Variants in HEBP2 observed in about 807,000 individuals in gnomAD.
HEBP2 encodes the protein heme-binding protein 2.
In HEBP2, 27 loss-of-function variants were observed where a neutral mutation model predicts 23.1. The ratio of observed to expected loss-of-function variants is 1.17; its 90% CI spans 0.86 to 1.61. HEBP2 has a LOEUF of 1.61. Among genes scored for constraint, HEBP2 ranks in the 40% most tolerant of loss-of-function variants. The probability of loss-of-function intolerance (pLI) is 0.00; values close to 1 mark genes in which losing one functional copy is unlikely to be tolerated. For synonymous variants in HEBP2, 99 were observed against 95.1 expected, an observed-to-expected ratio of 1.04 and a Z score of -0.24; for missense variants, 245 against 253.8, an observed-to-expected ratio of 0.97 and a Z score of 0.24.
In HEBP2 at chr6:138,417,527, G is replaced by C. The variant is rs1034524958; in HGVS notation, c.*4449G>C. On this transcript the variant is annotated 3_prime_UTR_variant, in exon 4 of 4. Transcript: ENST00000607197. ...TACAGGACTGTGATCTCTGCGAGAA[G>C]GGGGAATAATGAGGTGAGTCCAGTG... 5.9e-5 allele frequency: 9 copies of C among 152,252 alleles called. No homozygotes were observed. The highest frequency in any genetic ancestry group is 2.2e-4 in the African/African-American group (9 of 41,444). The allele number at this position is 152,252 out of a possible 1,614,324, so 9.4% of individuals were successfully genotyped here.
In HEBP2 at chr6:138,413,298, C is replaced by T. The variant is rs1361970840; in HGVS notation, c.*220C>T. ...AAACATATAAATCGGTCATAACTAT[C>T]GTGGTCTTTATTTCTGTGAGGATCT... is the stretch of plus-strand genomic sequence containing the variant. On this transcript the variant is annotated 3_prime_UTR_variant, in exon 4 of 4. Coordinates refer to ENST00000607197, the MANE Select transcript of HEBP2 (RefSeq NM_014320.3). 6.7e-6 allele frequency: 3 copies of T among 448,280 alleles called. No homozygotes were observed. The highest frequency in any genetic ancestry group is 2.0e-5 in the African/African-American group (1 of 50,662). The allele number at this position is 448,280 out of a possible 1,614,324, so 27.8% of individuals were successfully genotyped here. A position where few individuals can be genotyped will look rare whatever the true frequency, so the allele number is the denominator to read the frequency against.
rs78892261 is a variant in HEBP2, at chr6:138,418,221, T to C, written c.*5143T>C. On this transcript the variant is annotated 3_prime_UTR_variant, in exon 4 of 4. Transcript: ENST00000607197. ...GAAGTAGAACCAGAAGTGACAGATA[T>C]GAAGAAATTAGCAGCTTGAATTATG... 3 of 152,072 alleles carry C rather than the reference T, an allele frequency of 2.0e-5. No homozygotes were observed. The highest frequency in any genetic ancestry group is 1.9e-4 in the East Asian group (1 of 5,190). The allele number at this position is 152,072 out of a possible 1,614,324, so 9.4% of individuals were successfully genotyped here.
intron 2 of HEBP2, 114 bp downstream of exon 2, chr6:138,405,394 C>A: frequency 2.3e-6 from 3 of 1,323,668 alleles, no homozygotes; most frequent in Non-Finnish European, 3.1e-6. Flanking sequence ...AGCAAGTCAT[C>A]AAAGACTTGT....
At chr6:138,407,438 C>T (rs550523158) in intron 3 of HEBP2, among the ~76,000 whole-genome samples, 4 of 152,378 alleles carry the variant, frequency 2.6e-5, no homozygotes, top group African/African-American at 9.6e-5. Flanking sequence ...TCCCTCTGGG[C>T]CCACTGGGAT....
intron 1 of HEBP2, 23 bp downstream of exon 1, chr6:138,404,620 A>AG (rs1414020866): frequency 4.8e-6 from 6 of 1,254,108 alleles, no homozygotes; most frequent in Non-Finnish European, 6.0e-6. Context: ...TCGGGAGCGG[A>AG]GGGGCTGGGC....
At chr6:138,411,945 AAAAC>A (rs747325933) in intron 3 of HEBP2, 37 of 365,056 alleles carry the variant, frequency 1.0e-4, no homozygotes, top group African/African-American at 4.9e-4. Context: ...CTGTCTCAAA[AAAAC>A]AAACAAACAA....
Position 138,419,861 on chromosome 6 carries a change from T to G in HEBP2, c.*6783T>G, listed in dbSNP as rs1774892504. 1 of 152,152 alleles carries G rather than the reference T, an allele frequency of 6.6e-6. No homozygotes were observed. Among genetic ancestry groups the G allele is most frequent in the Admixed American group, 6.5e-5 (1 of 15,278 alleles). The allele number at this position is 152,152 out of a possible 1,614,324, so 9.4% of individuals were successfully genotyped here. On this transcript the variant is annotated 3_prime_UTR_variant, in exon 4 of 4. Transcript: ENST00000607197. ...CCTAGTTCTCAGAGACTGTATACCT[T>G]CTCTAGGCAATATTGCAAGAATCCC...
In HEBP2 at chr6:138,418,175, A is replaced by C. The variant is rs943704769; in HGVS notation, c.*5097A>C. ...GAAATATAAATTATGGCCCATAATT[A>C]GGAAAAAAGGGTAATCATTAGAAGT... On this transcript the variant is annotated 3_prime_UTR_variant, in exon 4 of 4. Transcript: ENST00000607197. 1 of 152,240 alleles carries C rather than the reference A, an allele frequency of 6.6e-6. No homozygotes were observed. Among genetic ancestry groups the C allele is most frequent in the African/African-American group, 2.4e-5 (1 of 41,472 alleles). The allele number at this position is 152,240 out of a possible 1,614,324, so 9.4% of individuals were successfully genotyped here. A position where few individuals can be genotyped will look rare whatever the true frequency, so the allele number is the denominator to read the frequency against.
intron 2 of HEBP2, among the ~76,000 whole-genome samples, chr6:138,405,737 T>G (rs937875995): frequency 3.9e-5 from 6 of 152,188 alleles, no homozygotes; most frequent in African/African-American, 1.2e-4. Context: ...TCCCCTTTTA[T>G]CTCTAAAAAT....
At chr6:138,408,465 A>G (rs1774686712) in intron 3 of HEBP2, among the ~76,000 whole-genome samples, 1 of 152,130 alleles carries the variant, frequency 6.6e-6, no homozygotes, top group Admixed American at 6.6e-5. Context: ...AGTTCCAACA[A>G]ATGTTCCTCA....
In HEBP2 at chr6:138,413,335, AT is replaced by A. The variant is rs1287330051; in HGVS notation, c.*258del. On this transcript the variant is annotated 3_prime_UTR_variant, in exon 4 of 4. Coordinates refer to ENST00000607197, the MANE Select transcript of HEBP2 (RefSeq NM_014320.3). ...TTCTGTGAGGATCTAGGGAAATTTC[AT>A]GTCACTTCCCTCCTTCACTGCATCA... 3.3e-5 allele frequency: 12 copies of A among 358,588 alleles called. No homozygotes were observed. Among genetic ancestry groups the A allele is most frequent in the South Asian group, 1.8e-4 (4 of 21,936 alleles). 22.2% of individuals were successfully genotyped at this position (358,588 alleles called of 1,614,324 possible).
At chr6:138,411,764 C>T (rs1774749027) in intron 3 of HEBP2, among the ~76,000 whole-genome samples, 2 of 152,182 alleles carry the variant, frequency 1.3e-5, no homozygotes, top group South Asian at 4.1e-4. Context: ...TTGAGACCAG[C>T]CTAGGTAACA....
Position 138,404,590 on chromosome 6 carries a change from G to A in HEBP2, c.95G>A (p.Gly32Asp). The A allele has an allele frequency of 7.8e-7, 1 of 1,290,036 alleles. No homozygotes were observed. Among genetic ancestry groups the A allele is most frequent in the Non-Finnish European group, 9.8e-7 (1 of 1,019,376 alleles). 79.9% of individuals were successfully genotyped at this position (1,290,036 alleles called of 1,614,324 possible). The stretch of plus-strand genomic sequence containing the variant: ...GGCTGGAAGGCCCCGGAGGACGCCG[G>A]CCCCCAGGTAGGCGCCGACTCGGGA... ...TPGWKAPEDA[G>D]PQPGSYEIRH... The change falls in exon 1 of 4, where the codon GGC (glycine) becomes GAC (aspartate). Residue 32 changes from glycine (G) to aspartate (D), a missense_variant. Transcript: ENST00000607197.
chr6:138,418,046 C>T lies in HEBP2; in HGVS notation c.*4968C>T, dbSNP rs1458173554. On this transcript the variant is annotated 3_prime_UTR_variant, in exon 4 of 4. Coordinates refer to ENST00000607197, the MANE Select transcript of HEBP2 (RefSeq NM_014320.3). ...AATTTCAAGAAACTTAACTGTGAAT[C>T]AGAATAAAACCCAATACCATTTATA... The T allele has an allele frequency of 2.0e-5, 3 of 152,112 alleles. No individual in the cohort carries two copies. Among genetic ancestry groups the T allele is most frequent in the Admixed American group, 6.6e-5 (1 of 15,266 alleles). The allele number at this position is 152,112 out of a possible 1,614,324, so 9.4% of individuals were successfully genotyped here.
At chr6:138,403,650 G>C (rs113062048), upstream of HEBP2, 5 of 434,348 alleles carry the variant, frequency 1.2e-5, no homozygotes, top group African/African-American at 8.2e-5. Context: ...CGGCGGAAAG[G>C]GGGTGCTGGG....
upstream of HEBP2, chr6:138,403,534 C>T (rs1774572811): frequency 8.3e-6 from 4 of 480,578 alleles, no homozygotes; most frequent in Non-Finnish European, 1.5e-5. Flanking sequence ...CACGTCGCCC[C>T]GGAGAGCCTC....
chr6:138,419,601 G>A lies in HEBP2; in HGVS notation c.*6523G>A, dbSNP rs960919137. ...GACTGATGGAATGTTGGCATGGCCT[G>A]CTTTAGTGCCAGGTGGGAGACAATA... On this transcript the variant is annotated 3_prime_UTR_variant, in exon 4 of 4. Coordinates refer to ENST00000607197, the MANE Select transcript of HEBP2 (RefSeq NM_014320.3). The A allele has an allele frequency of 6.6e-6, 1 of 152,082 alleles. No homozygotes were observed. Among genetic ancestry groups the A allele is most frequent in the Non-Finnish European group, 1.5e-5 (1 of 68,016 alleles). The allele number at this position is 152,082 out of a possible 1,614,324, so 9.4% of individuals were successfully genotyped here. A position where few individuals can be genotyped will look rare whatever the true frequency, so the allele number is the denominator to read the frequency against.
Position 138,420,150 on chromosome 6 carries a change from T to G in HEBP2, c.*7072T>G, listed in dbSNP as rs1391668610. On this transcript the variant is annotated 3_prime_UTR_variant, in exon 4 of 4. Transcript: ENST00000607197. ...TGAGAAGGGTTTGGCTCCCAGGAGC[T>G]CAGGACCCTCAGGAATGAGAGCTTG... 6.6e-6 allele frequency: 1 copy of G among 152,068 alleles called. No homozygotes were observed. Among genetic ancestry groups the G allele is most frequent in the Non-Finnish European group, 1.5e-5 (1 of 68,040 alleles). 9.4% of individuals were successfully genotyped at this position (152,068 alleles called of 1,614,324 possible). A position where few individuals can be genotyped will look rare whatever the true frequency, so the allele number is the denominator to read the frequency against.
At chr6:138,404,059 C>G (rs1289652280), upstream of HEBP2, among the ~76,000 whole-genome samples, 1 of 151,928 alleles carries the variant, frequency 6.6e-6, no homozygotes, top group Non-Finnish European at 1.5e-5. Context: ...CCGCGGTTCC[C>G]AGCGCGGGCG....
Sources: gnomAD v4.1 joint callset for allele counts (sites outside exome capture counted in the v4.1 genomes callset) on GRCh38, gnomAD v4.1.1 for gene constraint, MANE v1.5 for transcripts, NCBI Gene and HGNC (gene_info 2026-07-23, HGNC 2026-07-21) for gene names.